Variants in DCC observed in about 807,000 individuals in gnomAD.
DCC encodes the protein DCC netrin 1 receptor.
A neutral mutation model predicts 172.5 loss-of-function variants in DCC; 58 were observed. That is an observed-to-expected ratio of 0.34 (90% confidence interval 0.27 to 0.42). DCC has a LOEUF of 0.42. Among genes scored for constraint, DCC ranks in the 10% least tolerant of loss-of-function variants. DCC has a pLI of 1.00. For synonymous variants in DCC, 709 were observed against 644.5 expected (o/e 1.10, Z -1.52); for missense variants, 1,740 against 1,791.0 (o/e 0.97, Z 0.51).
chr18:52,395,274 T>C (rs1412676904), intron 1 of DCC, among the ~76,000 whole-genome samples: 1 of 152,046 alleles, frequency 6.6e-6, no homozygotes, highest in Non-Finnish European at 1.5e-5. Flanking sequence ...GTTTATTGTG[T>C]CTAAAGACAA....
chr18:52,856,543 G>T (rs1343372581), intron 2 of DCC, among the ~76,000 whole-genome samples: 5 of 147,674 alleles, frequency 3.4e-5, no homozygotes, highest in African/African-American at 1.2e-4. Flanking sequence ...GGAGGATGGC[G>T]TGAACCCGGG....
At chr18:52,583,702 A>T (rs2144781952) in intron 1 of DCC, among the ~76,000 whole-genome samples, 1 of 152,368 alleles carries the variant, frequency 6.6e-6, no homozygotes, top group Non-Finnish European at 1.5e-5. Context: ...TTTAAAGAAA[A>T]GTGAAAAATA....
At chr18:53,120,741 T>C (rs1412539315) in intron 7 of DCC, among the ~76,000 whole-genome samples, 1 of 151,884 alleles carries the variant, frequency 6.6e-6, no homozygotes, top group African/African-American at 2.4e-5. Context: ...CTGTACATGT[T>C]AAAATTGAAA....
intron 1 of DCC, among the ~76,000 whole-genome samples, chr18:52,378,018 C>A (rs144009025): frequency 7.0e-4 from 106 of 151,668 alleles, no homozygotes; most frequent in Non-Finnish European, 8.4e-4. Context: ...TCTTTTTTTT[C>A]TTTTTTCCCT....
At chr18:53,158,513 G>A (rs2054784212) in intron 8 of DCC, among the ~76,000 whole-genome samples, 2 of 152,160 alleles carry the variant, frequency 1.3e-5, no homozygotes, top group South Asian at 4.1e-4. Flanking sequence ...TTCAAAAGGG[G>A]ACATATACAT....
intron 2 of DCC, among the ~76,000 whole-genome samples, chr18:52,885,258 C>T (rs746422767): frequency 2.0e-5 from 3 of 152,122 alleles, no homozygotes; most frequent in Admixed American, 6.5e-5. Context: ...CAACTTCCCT[C>T]AGGCCCTGGG....
intron 1 of DCC, among the ~76,000 whole-genome samples, chr18:52,658,308 G>A (rs1244524946): frequency 1.3e-5 from 2 of 152,148 alleles, no homozygotes; most frequent in Non-Finnish European, 2.9e-5. Context: ...TTTGATTTCT[G>A]ATTAATTCTC....
chr18:52,696,197 A>G (rs1263152169), intron 1 of DCC, among the ~76,000 whole-genome samples: 1 of 152,236 alleles, frequency 6.6e-6, no homozygotes, highest in Non-Finnish European at 1.5e-5. Flanking sequence ...TTATATACAT[A>G]TGTCTAATAA....
chr18:53,186,603 G>C (rs1268713887), intron 9 of DCC, among the ~76,000 whole-genome samples: 1 of 152,144 alleles, frequency 6.6e-6, no homozygotes, highest in Non-Finnish European at 1.5e-5. Flanking sequence ...CTCATCTTTA[G>C]AGCATATTTT....
intron 2 of DCC, among the ~76,000 whole-genome samples, chr18:52,843,426 AGC>A (rs2038838599): frequency 6.6e-6 from 1 of 152,178 alleles, no homozygotes; most frequent in Admixed American, 6.6e-5. Context: ...CCTTGCATCA[AGC>A]AGAGAAATAC....
chr18:52,556,883 C>T (rs897410406), intron 1 of DCC, among the ~76,000 whole-genome samples: 1 of 152,156 alleles, frequency 6.6e-6, no homozygotes, highest in Admixed American at 6.6e-5. Context: ...GACTAACTCT[C>T]AAATTCTCCT....
chr18:53,007,534 A>G (rs375283844), intron 5 of DCC, among the ~76,000 whole-genome samples: 8 of 152,144 alleles, frequency 5.3e-5, no homozygotes, highest in East Asian at 1.9e-4. Flanking sequence ...ATTAAATTTT[A>G]AGTAAAATAT....
chr18:52,359,591 A>T (rs1028703896), intron 1 of DCC, among the ~76,000 whole-genome samples: 3 of 152,128 alleles, frequency 2.0e-5, no homozygotes, highest in Non-Finnish European at 4.4e-5. Flanking sequence ...GTGAGGCCTG[A>T]AATTGAAGTA....
At chr18:53,174,697 C>T (rs1454073070) in intron 8 of DCC, among the ~76,000 whole-genome samples, 3 of 146,640 alleles carry the variant, frequency 2.0e-5, no homozygotes, top group Non-Finnish European at 4.5e-5. Flanking sequence ...GCTTACCAAC[C>T]AAAAAGAGTC....
chr18:53,450,884 T>C (rs142871019), intron 23 of DCC, among the ~76,000 whole-genome samples: 2 of 152,242 alleles, frequency 1.3e-5, no homozygotes, highest in East Asian at 3.9e-4. Flanking sequence ...CCACTTATAT[T>C]TCTGTTTGCT....
At chr18:53,110,293 G>A (rs979094537) in intron 7 of DCC, among the ~76,000 whole-genome samples, 3 of 151,700 alleles carry the variant, frequency 2.0e-5, no homozygotes, top group Non-Finnish European at 4.4e-5. Context: ...TGACAGATAG[G>A]CAAAGCCTGT....
chr18:53,162,620 A>G (rs2054860814), intron 8 of DCC, among the ~76,000 whole-genome samples: 1 of 152,120 alleles, frequency 6.6e-6, no homozygotes, highest in Admixed American at 6.6e-5. Flanking sequence ...TCCTCTATTG[A>G]GATCTTTGCG....
chr18:53,282,281 C>G (rs1480021222), intron 12 of DCC, among the ~76,000 whole-genome samples: 1 of 152,144 alleles, frequency 6.6e-6, no homozygotes, highest in Non-Finnish European at 1.5e-5. Flanking sequence ...GCCATGCTGA[C>G]TGCAAGACTG....
intron 8 of DCC, among the ~76,000 whole-genome samples, chr18:53,161,377 T>C (rs190650092): frequency 1.3e-3 from 204 of 152,312 alleles, no homozygotes; most frequent in African/African-American, 4.8e-3. Context: ...GCACATGCTC[T>C]CCTCATTCTA....
Sources: allele counts gnomAD v4.1 joint callset (sites outside exome capture counted in the v4.1 genomes callset), GRCh38; gene constraint gnomAD v4.1.1; transcripts MANE v1.5; gene names NCBI Gene and HGNC (gene_info 2026-07-23, HGNC 2026-07-21).